The following ASH1L variants were observed in gnomAD, a reference collection of about 807,000 sequenced individuals.
ASH1L encodes ASH1 like histone lysine methyltransferase.
In ASH1L, 23 loss-of-function variants were observed where a neutral mutation model predicts 269.0. The observed-to-expected ratio is 0.09, with a 90% CI of 0.06 to 0.12. ASH1L has a LOEUF of 0.12. Ranked by LOEUF, ASH1L falls within the 10% of genes least tolerant of loss-of-function variation. The probability of loss-of-function intolerance (pLI) is 1.00; values close to 1 mark genes in which losing one functional copy is unlikely to be tolerated. For missense variants in ASH1L, 2,912 were observed against 3,567.8 expected, an observed-to-expected ratio of 0.82 and a Z score of 4.68; for synonymous variants, 1,187 against 1,253.5, an observed-to-expected ratio of 0.95 and a Z score of 1.12.
chr1:155,344,947 T>C (rs1279228075), intron 21 of ASH1L, among the ~76,000 whole-genome samples: 2 of 152,080 alleles, frequency 1.3e-5, no homozygotes, highest in East Asian at 3.9e-4. Flanking sequence ...CTGATAGTGT[T>C]TATAAAAACC....
rs530336347 is a variant in ASH1L, at chr1:155,539,013, C to T, written c.-99-17395G>A. The stretch of plus-strand genomic sequence containing the variant: ...ACTATGATAGTACACATTCCTGCCA[C>T]CTCTCTGGAAGCCACTCCTGAGTCT... On this transcript the variant is annotated intron_variant, in intron 1 of 27. Transcript: ENST00000392403. 1.1e-3 allele frequency among the ~76,000 whole-genome samples: 161 copies of T among 152,292 alleles called. 1 individual carries two copies. The highest frequency in any genetic ancestry group is 3.7e-3 in the African/African-American group (155 of 41,562).
chr1:155,348,785 G>A (rs1166331975), intron 19 of ASH1L, among the ~76,000 whole-genome samples: 2 of 151,920 alleles, frequency 1.3e-5, no homozygotes, highest in African/African-American at 2.4e-5. Context: ...GGAGGCTGAG[G>A]CAGGAGAATC....
At chr1:155,487,621 A>G (rs955705132) in intron 2 of ASH1L, among the ~76,000 whole-genome samples, 3 of 152,032 alleles carry the variant, frequency 2.0e-5, no homozygotes, top group Non-Finnish European at 4.4e-5. Flanking sequence ...TCCGGGGCTC[A>G]AGTGATTTTC....
chr1:155,433,253 C>G, intron 5 of ASH1L: 2 of 1,553,498 alleles, frequency 1.3e-6, no homozygotes, highest in Non-Finnish European at 1.7e-6. Context: ...GCCAGGGGGG[C>G]CGGAGCCGGG....
rs772726796 is a variant in ASH1L, at chr1:155,347,838, C to A, written c.7621G>T (p.Ala2541Ser). The A allele has an allele frequency of 5.0e-6, 8 of 1,614,240 alleles. No homozygotes were observed. The highest frequency in any genetic ancestry group is 3.3e-5 in the Admixed American group (2 of 60,030). Residue 2541 changes from alanine to serine, a missense_variant, in exon 20 of 28, where the codon GCC (alanine) becomes TCC (serine). Around this residue, in one of 13 missense-constraint regions of ASH1L, gnomAD observed 309 missense variants for 435.1 expected, o/e 0.71. Transcript: ENST00000392403. ...ATCTGGGCTGATGCCTCATGCCGGG[C>A]ATTGTAATAGGCCTTTCGTAGACGA... Reference protein sequence around the residue: ...VCRLRKAYYNARHEASAQIDE... With the variant: ...VCRLRKAYYNSRHEASAQIDE...
chr1:155,346,516 TGA>T, intron 20 of ASH1L, 47 bp from the exon 21 acceptor site: 1 of 1,537,600 alleles, frequency 6.5e-7, no homozygotes, highest in Non-Finnish European at 9.0e-7. Context: ...TATGACTTAT[TGA>T]GAGTGTCCTG....
At chr1:155,427,853 A>T (rs888560642) in intron 5 of ASH1L, among the ~76,000 whole-genome samples, 1 of 152,098 alleles carries the variant, frequency 6.6e-6, no homozygotes, top group African/African-American at 2.4e-5. Context: ...TTTTCTCTTA[A>T]GCAGTTTAGC....
At chr1:155,340,617 T>C (rs1437697389) in intron 25 of ASH1L, among the ~76,000 whole-genome samples, 1 of 152,094 alleles carries the variant, frequency 6.6e-6, no homozygotes, top group Non-Finnish European at 1.5e-5. Context: ...AAAATCTTTA[T>C]GGAATGATGA....
chr1:155,433,321 C>T (rs764478882), intron 5 of ASH1L: 17 of 1,583,714 alleles, frequency 1.1e-5, no homozygotes, highest in Middle Eastern at 1.8e-4. Context: ...GGCCAGGAAT[C>T]GGGCCGGGAG....
At chr1:155,455,193 A>C (rs971378540) in intron 4 of ASH1L, among the ~76,000 whole-genome samples, 1 of 152,176 alleles carries the variant, frequency 6.6e-6, no homozygotes, top group Non-Finnish European at 1.5e-5. Context: ...GAGAGATGTA[A>C]ACTTTAACAG....
At chr1:155,346,933 C>T (rs1653393677) in intron 20 of ASH1L, among the ~76,000 whole-genome samples, 1 of 152,196 alleles carries the variant, frequency 6.6e-6, no homozygotes, top group African/African-American at 2.4e-5. Context: ...CAAATCCAGG[C>T]TTTGACTTCT....
rs895883279 is a variant in ASH1L at position 155,378,448 on chromosome 1, G to C, written c.6223+55C>G. 3.0e-5 allele frequency: 49 copies of C among 1,608,096 alleles called. 1 individual carries two copies. Among genetic ancestry groups the C allele is most frequent in the Admixed American group, 1.5e-4 (9 of 59,956 alleles). On this transcript the variant is annotated intron_variant, in intron 9 of 27. Coordinates refer to ENST00000392403, the MANE Select transcript of ASH1L (RefSeq NM_018489.3). Reference sequence around the variant, plus strand: ...TACAGGATAATTTTTCAAGTGCTAGGCTCAGAAGAACATTAACGTATAGAG... The same window carrying C: ...TACAGGATAATTTTTCAAGTGCTAGCCTCAGAAGAACATTAACGTATAGAG...
chr1:155,521,624 G>T lies in ASH1L; in HGVS notation c.-99-6C>A. Reference sequence around the variant, plus strand: ...CTCGAAACCAGCATCTTTCTCTGCAGAACAGATCATAACAAAAATTTATCA... The same window carrying T: ...CTCGAAACCAGCATCTTTCTCTGCATAACAGATCATAACAAAAATTTATCA... On this transcript the variant is annotated splice_region_variant and splice_polypyrimidine_tract_variant and intron_variant, in intron 1 of 27. Transcript: ENST00000392403. 2 of 1,094,940 alleles carry T rather than the reference G, an allele frequency of 1.8e-6. No individual in the cohort carries two copies. Among genetic ancestry groups the T allele is most frequent in the Non-Finnish European group, 2.6e-6 (2 of 767,518 alleles). 67.8% of individuals were successfully genotyped at this position (1,094,940 alleles called of 1,614,324 possible).
At chr1:155,483,984 T>C (rs928326463) in intron 2 of ASH1L, among the ~76,000 whole-genome samples, 3 of 151,998 alleles carry the variant, frequency 2.0e-5, no homozygotes, top group Non-Finnish European at 2.9e-5. Flanking sequence ...AAAATGGGGA[T>C]GAAGAATATG....
rs896413441 is a variant in ASH1L, at chr1:155,478,809, G to C, written c.4061C>G (p.Pro1354Arg). Reference sequence around the variant, plus strand: ...TTCAGCCATTGCCTCCCTCATCTTAGGGGGTCTCCCTCTTTTCTTTTTTAA... The same window carrying C: ...TTCAGCCATTGCCTCCCTCATCTTACGGGGTCTCCCTCTTTTCTTTTTTAA... ...PDLKKKRGRP[P>R]KMREAMAEMP... Residue 1354 changes from proline to arginine, a missense_variant, in exon 3 of 28, where the codon CCT (proline) becomes CGT (arginine). This residue lies in a region of ASH1L where 789 missense variants were observed against 897.6 expected (regional missense o/e 0.88). Transcript: ENST00000392403. This position sits in a 1 kb window ranked among gnomAD's most constrained non-coding sequence, Gnocchi z 4.6. 6.2e-7 allele frequency: 1 copy of C among 1,613,996 alleles called. No homozygotes were observed. The highest frequency in any genetic ancestry group is 1.1e-5 in the South Asian group (1 of 91,072).
intron 12 of ASH1L, among the ~76,000 whole-genome samples, chr1:155,366,986 T>C (rs905798303): frequency 1.3e-5 from 2 of 150,840 alleles, no homozygotes; most frequent in African/African-American, 4.9e-5. Flanking sequence ...TGTAATGGGT[T>C]TGGTTTTTTT....
At chr1:155,388,808 C>G (rs1657658377) in intron 7 of ASH1L, among the ~76,000 whole-genome samples, 1 of 150,038 alleles carries the variant, frequency 6.7e-6, no homozygotes. Flanking sequence ...CAGCCTCGAT[C>G]TCCTGGGCTC....
intron 1 of ASH1L, among the ~76,000 whole-genome samples, chr1:155,525,078 T>C (rs1489820011): frequency 1.3e-5 from 2 of 151,730 alleles, no homozygotes; most frequent in African/African-American, 2.4e-5. Context: ...CAAGACCCTC[T>C]CTCTACAAAA....
rs545244646 is a variant in ASH1L at position 155,538,346 on chromosome 1, TTTTGTTTG to T, written c.-99-16736_-99-16729del. Among the ~76,000 whole-genome samples the T allele has an allele frequency of 1.2e-3, 172 of 146,436 alleles. 1 individual carries two copies. The highest frequency in any genetic ancestry group is 3.9e-3 in the African/African-American group (154 of 39,530). The stretch of plus-strand genomic sequence containing the variant: ...GCATGAGCTATGGCACCTGGCGTTT[TTTTGTTTG>T]TTTGTTTGTTTGTTTGTTTTTGAGA... On this transcript the variant is annotated intron_variant, in intron 1 of 27. Coordinates refer to ENST00000392403, the MANE Select transcript of ASH1L (RefSeq NM_018489.3).
Sources: allele counts gnomAD v4.1 joint callset (sites outside exome capture counted in the v4.1 genomes callset), GRCh38; gene constraint gnomAD v4.1.1; regional missense constraint gnomAD v4.1.1; non-coding constraint Gnocchi (gnomAD v3.1); transcripts MANE v1.5; gene names NCBI Gene and HGNC (gene_info 2026-07-23, HGNC 2026-07-21).